RHPN2: variants seen among roughly 807,000 people sequenced by gnomAD.
RHPN2 encodes the protein rhophilin-2.
Under a neutral mutation model 79.0 loss-of-function variants are expected in RHPN2, and 40 were observed. That is an observed-to-expected ratio of 0.51 (90% confidence interval 0.39 to 0.66). The LOEUF (loss-of-function observed/expected upper bound fraction) is 0.66. RHPN2 is among the 30% of genes least tolerant of loss of function. The pLI, the probability that RHPN2 is intolerant of heterozygous loss-of-function variation, is 0.00. For synonymous variants in RHPN2, 285 were observed against 363.5 expected, an observed-to-expected ratio of 0.78 and a Z score of 2.46; for missense variants, 686 against 883.5, an observed-to-expected ratio of 0.78 and a Z score of 2.83.
At chr19:33,054,701 G>T (rs1381918610) in intron 1 of RHPN2, among the ~76,000 whole-genome samples, 2 of 152,182 alleles carry the variant, frequency 1.3e-5, no homozygotes, top group South Asian at 4.1e-4. Flanking sequence ...CCTGCAGTTC[G>T]ACTGTGTCCT....
chr19:33,040,774 G>A (rs1055999668), intron 2 of RHPN2, among the ~76,000 whole-genome samples: 1 of 151,668 alleles, frequency 6.6e-6, no homozygotes, highest in Non-Finnish European at 1.5e-5. Flanking sequence ...GGCCAACACC[G>A]TGAAACCCTG....
chr19:33,036,957 G>A (rs916829503), intron 2 of RHPN2, among the ~76,000 whole-genome samples: 2 of 150,166 alleles, frequency 1.3e-5, no homozygotes, highest in Non-Finnish European at 2.9e-5. Context: ...CAGTCCTATC[G>A]ACCGACCACC....
intron 7 of RHPN2, among the ~76,000 whole-genome samples, chr19:33,004,598 C>T (rs1411201351): frequency 6.6e-6 from 1 of 151,578 alleles, no homozygotes; most frequent in Non-Finnish European, 1.5e-5. Context: ...TATTTTAACA[C>T]TATTTATTTA....
At chr19:32,992,241 T>A in intron 12 of RHPN2, 4 of 400,522 alleles carry the variant, frequency 1.0e-5, no homozygotes, top group South Asian at 9.0e-5. Context: ...TCTCACTCTG[T>A]CGCCCAGGCT....
At chr19:33,055,121 G>A (rs1972221415) in intron 1 of RHPN2, among the ~76,000 whole-genome samples, 1 of 152,146 alleles carries the variant, frequency 6.6e-6, no homozygotes, top group African/African-American at 2.4e-5. Context: ...CCACTGAGAT[G>A]GGAGGATTGC....
intron 13 of RHPN2, among the ~76,000 whole-genome samples, chr19:32,991,590 C>T (rs1181375009): frequency 6.6e-6 from 1 of 152,128 alleles, no homozygotes; most frequent in South Asian, 2.1e-4. Context: ...CCTGAGATCG[C>T]GCCACTGCAC....
At chr19:32,985,537 G>A (rs1480135768) in intron 14 of RHPN2, among the ~76,000 whole-genome samples, 1 of 152,116 alleles carries the variant, frequency 6.6e-6, no homozygotes, top group African/African-American at 2.4e-5. Context: ...CTCAGGAAGC[G>A]GAGATGGGAG....
At chr19:33,055,839 C>G (rs1449194991) in intron 1 of RHPN2, among the ~76,000 whole-genome samples, 1 of 152,006 alleles carries the variant, frequency 6.6e-6, no homozygotes, top group Non-Finnish European at 1.5e-5. Context: ...CACAATGAAC[C>G]CGGAGGCCCT....
intron 3 of RHPN2, among the ~76,000 whole-genome samples, chr19:33,024,297 G>T (rs928388412): frequency 6.6e-6 from 1 of 152,134 alleles, no homozygotes; most frequent in South Asian, 2.1e-4. Context: ...GCTGGGCATG[G>T]TGGCATGCGC....
intron 11 of RHPN2, among the ~76,000 whole-genome samples, chr19:32,995,623 C>T (rs1971694169): frequency 6.6e-6 from 1 of 152,050 alleles, no homozygotes; most frequent in Non-Finnish European, 1.5e-5. Context: ...CTTTGGGAGG[C>T]CAAGGCAGGT....
At chr19:33,043,449 G>A (rs1014077412) in intron 2 of RHPN2, among the ~76,000 whole-genome samples, 1 of 152,096 alleles carries the variant, frequency 6.6e-6, no homozygotes, top group African/African-American at 2.4e-5. Flanking sequence ...CTACTGGGGA[G>A]GCTGAGGCAG....
intron 12 of RHPN2, 66 bp downstream of exon 12, chr19:32,993,911 A>G (rs1260214138): frequency 8.4e-7 from 1 of 1,186,706 alleles, no homozygotes; most frequent in East Asian, 2.3e-5. Flanking sequence ...GGACTAAGAC[A>G]CCATACTCGC....
chr19:33,028,570 C>T (rs1186668047), intron 2 of RHPN2, among the ~76,000 whole-genome samples: 1 of 152,084 alleles, frequency 6.6e-6, no homozygotes, highest in Non-Finnish European at 1.5e-5. Flanking sequence ...AATCACAAGA[C>T]ATGTAAACTG....
In RHPN2 at chr19:33,061,225, CTTTTTTT is replaced by C. The variant is rs35377340; in HGVS notation, c.69+3552_69+3558del. On this transcript the variant is annotated intron_variant, in intron 1 of 14. Transcript: ENST00000254260. ...TTTCACCTGGACAGCACCTGCCTTTCTTTTTTTTTTTTTTTTTTTTTGAGACGGAGTC... is the reference window on the plus strand; with the variant it reads ...TTTCACCTGGACAGCACCTGCCTTTCTTTTTTTTTTTTTTGAGACGGAGTC... 1.3e-3 allele frequency among the ~76,000 whole-genome samples: 156 copies of C among 120,598 alleles called. 1 individual carries two copies. Among genetic ancestry groups the C allele is most frequent in the African/African-American group, 5.5e-3 (154 of 27,932 alleles). The allele number at this position is 120,598 out of a possible 152,430, so 79.1% of individuals were successfully genotyped here. A position where few individuals can be genotyped will look rare whatever the true frequency, so the allele number is the denominator to read the frequency against.
intron 4 of RHPN2, among the ~76,000 whole-genome samples, chr19:33,018,824 C>T (rs1971898835): frequency 2.0e-5 from 3 of 149,070 alleles, no homozygotes; most frequent in Admixed American, 2.0e-4. Context: ...GCGGGTGGAT[C>T]GAGTTTGAGA....
intron 3 of RHPN2, among the ~76,000 whole-genome samples, chr19:33,023,432 C>T (rs1194214454): frequency 7.5e-6 from 1 of 133,080 alleles, no homozygotes; most frequent in Non-Finnish European, 1.5e-5. Context: ...GAGACTCCAT[C>T]TCAGGAAAAA....
chr19:33,064,473 G>A (rs1361018731), intron 1 of RHPN2, among the ~76,000 whole-genome samples: 1 of 152,126 alleles, frequency 6.6e-6, no homozygotes, highest in Admixed American at 6.5e-5. Flanking sequence ...CGCAAGCGAG[G>A]GGTGGCGGGG....
intron 1 of RHPN2, among the ~76,000 whole-genome samples, chr19:33,060,797 G>A (rs1431342532): frequency 2.0e-5 from 3 of 152,092 alleles, no homozygotes; most frequent in Non-Finnish European, 4.4e-5. Flanking sequence ...CTCCCAAAAT[G>A]CTGAGATTAC....
In RHPN2 at chr19:32,980,174, GT is replaced by G. The variant is rs1971562555; in HGVS notation, c.1882del (p.Thr628LeufsTer14). The G allele has an allele frequency of 6.2e-7, 1 of 1,613,784 alleles. No individual in the cohort carries two copies. Among genetic ancestry groups the G allele is most frequent in the Non-Finnish European group, 8.5e-7 (1 of 1,179,862 alleles). ...ICLAIDDDDK[T>X]DKTKKISKKL... The stretch of plus-strand genomic sequence containing the variant: ...CTTGGAGATTTTCTTGGTTTTATCA[GT>G]TTTGTCGTCATCATCAATGGCTAAG... On this transcript the variant is annotated frameshift_variant, in exon 15 of 15. Transcript: ENST00000254260. LOFTEE classifies it high-confidence loss of function.
Sources: allele counts gnomAD v4.1 joint callset (sites outside exome capture counted in the v4.1 genomes callset), GRCh38; gene constraint gnomAD v4.1.1; transcripts MANE v1.5; gene names NCBI Gene and HGNC (gene_info 2026-07-23, HGNC 2026-07-21).